Variants in SGCD observed in about 807,000 individuals in gnomAD.
SGCD encodes sarcoglycan delta, also known as delta-sarcoglycan.
SGCD carries 18 observed loss-of-function variants against 36.6 expected under a neutral mutation model. That is an observed-to-expected ratio of 0.49 (90% CI 0.34 to 0.73). The LOEUF is 0.73. Ranked by LOEUF, SGCD falls within the 30% of genes least tolerant of loss-of-function variation. The probability of loss-of-function intolerance (pLI) is 0.01; values close to 1 mark genes in which losing one functional copy is unlikely to be tolerated. For missense variants in SGCD, 387 were observed against 346.7 expected (o/e 1.12, Z -0.92); for synonymous variants, 133 against 130.6 (o/e 1.02, Z -0.12).
intron 1 of SGCD, among the ~76,000 whole-genome samples, chr5:156,068,425 A>G (rs1269180692): frequency 6.6e-6 from 1 of 152,052 alleles, no homozygotes; most frequent in Non-Finnish European, 1.5e-5. Flanking sequence ...TTCCAATTTC[A>G]TCCATGTCCC....
chr5:156,361,099 T>A (rs1347000369), intron 3 of SGCD, among the ~76,000 whole-genome samples: 1 of 152,210 alleles, frequency 6.6e-6, no homozygotes, highest in African/African-American at 2.4e-5. Context: ...TGGGTGCTGC[T>A]GCAGGCCCCA....
chr5:156,047,006 AACAGCATCAT>A (rs1292863433), intron 1 of SGCD, among the ~76,000 whole-genome samples: 1 of 152,168 alleles, frequency 6.6e-6, no homozygotes, highest in African/African-American at 2.4e-5. Context: ...AAGAAAGTGA[AACAGCATCAT>A]TGCTGGTATG....
chr5:155,846,718 A>G, the SGCD span, among the ~76,000 whole-genome samples: 1 of 152,182 alleles, frequency 6.6e-6, no homozygotes, highest in Non-Finnish European at 1.5e-5. Context: ...TTTGCTCACA[A>G]TTCTCTGTAT....
At chr5:156,004,778 C>A (rs75328295) in intron 1 of SGCD, among the ~76,000 whole-genome samples, 3,507 of 152,254 alleles carry the variant, frequency 0.023, 78 homozygotes, top group South Asian at 0.076. Flanking sequence ...AATGAGCCTA[C>A]CCTTTAAATA....
chr5:156,618,481 A>G (rs1174670612), intron 6 of SGCD, among the ~76,000 whole-genome samples: 1 of 152,082 alleles, frequency 6.6e-6, no homozygotes, highest in Non-Finnish European at 1.5e-5. Flanking sequence ...CTGAACAACC[A>G]CGACCTAATA....
At chr5:156,445,903 C>T (rs1753738063) in intron 3 of SGCD, among the ~76,000 whole-genome samples, 1 of 152,090 alleles carries the variant, frequency 6.6e-6, no homozygotes, top group African/African-American at 2.4e-5. Context: ...TCATTCATTC[C>T]TTCACCAAAT....
chr5:156,544,299 T>C (rs1207835193), intron 4 of SGCD, among the ~76,000 whole-genome samples: 1 of 152,196 alleles, frequency 6.6e-6, no homozygotes, highest in Non-Finnish European at 1.5e-5. Flanking sequence ...TATGGGAACT[T>C]TGGTGGATCA....
intron 4 of SGCD, among the ~76,000 whole-genome samples, chr5:156,512,018 A>C (rs1376250103): frequency 1.3e-5 from 2 of 152,008 alleles, no homozygotes; most frequent in Non-Finnish European, 2.9e-5. Context: ...AGATGGTGCA[A>C]CCCTGTCTCT....
chr5:155,971,249 C>A (rs1209844098), intron 1 of SGCD, among the ~76,000 whole-genome samples: 3 of 152,102 alleles, frequency 2.0e-5, no homozygotes, highest in Non-Finnish European at 4.4e-5. Flanking sequence ...GTTGGCTTTG[C>A]ATGAATTACA....
chr5:156,233,127 T>C (rs1467347287), intron 3 of SGCD, among the ~76,000 whole-genome samples: 1 of 152,176 alleles, frequency 6.6e-6, no homozygotes, highest in African/African-American at 2.4e-5. Context: ...TCACCTGTCT[T>C]AATAGAGCCA....
chr5:156,600,923 T>A (rs1342512946), intron 6 of SGCD, among the ~76,000 whole-genome samples: 3 of 152,226 alleles, frequency 2.0e-5, no homozygotes, highest in African/African-American at 7.2e-5. Context: ...TTAATGATGT[T>A]GAGCATATTT....
At chr5:155,899,154 A>G (rs936427689) in intron 1 of SGCD, among the ~76,000 whole-genome samples, 2 of 152,200 alleles carry the variant, frequency 1.3e-5, no homozygotes, top group African/African-American at 2.4e-5. Flanking sequence ...ATGCCATGCT[A>G]ATGATTTTAT....
chr5:156,759,263 G>A lies in SGCD; in HGVS notation c.746G>A (p.Gly249Glu). 6.2e-7 allele frequency: 1 copy of A among 1,613,720 alleles called. No homozygotes were observed. Among genetic ancestry groups the A allele is most frequent in the Non-Finnish European group, 8.5e-7 (1 of 1,179,700 alleles). ...AKIRLPRLPH[G>E]SYTPTGTRQK... ...ATCAGGCTACCTAGACTGCCTCATG[G>A]ATCCTACACGCCTACAGGAACGAGG... The change falls in exon 9 of 9, where the codon GGA becomes GAA. Residue 249 changes from glycine (G) to glutamate (E), a missense_variant. Coordinates refer to ENST00000337851, the MANE Select transcript of SGCD (RefSeq NM_000337.6).
intron 6 of SGCD, among the ~76,000 whole-genome samples, chr5:156,642,229 C>T (rs1763053296): frequency 1.3e-5 from 2 of 152,106 alleles, no homozygotes; most frequent in African/African-American, 4.8e-5. Context: ...CTCCTAATAC[C>T]ATCACATTGA....
At chr5:155,937,440 C>G (rs895850495) in intron 1 of SGCD, among the ~76,000 whole-genome samples, 1 of 152,092 alleles carries the variant, frequency 6.6e-6, no homozygotes, top group Non-Finnish European at 1.5e-5. Flanking sequence ...ACTGAAGAAG[C>G]CAGAATGTTA....
chr5:156,410,680 G>A (rs570229071), intron 3 of SGCD, among the ~76,000 whole-genome samples: 21 of 152,238 alleles, frequency 1.4e-4, no homozygotes, highest in African/African-American at 3.9e-4. Flanking sequence ...TTAACCCAGC[G>A]AATGAACCTG....
intron 1 of SGCD, among the ~76,000 whole-genome samples, chr5:156,046,336 T>G (rs1462989591): frequency 6.6e-6 from 1 of 152,174 alleles, no homozygotes; most frequent in African/African-American, 2.4e-5. Context: ...CTTTTTTTCA[T>G]CTACACTTCT....
intron 1 of SGCD, among the ~76,000 whole-genome samples, chr5:155,909,701 G>C (rs193160221): frequency 6.6e-6 from 1 of 152,242 alleles, no homozygotes; most frequent in Admixed American, 6.5e-5. Context: ...CCCTTAAATT[G>C]AGTGAGAGGC....
intron 7 of SGCD, among the ~76,000 whole-genome samples, chr5:156,649,611 TC>T (rs1439141501): frequency 4.1e-5 from 6 of 144,662 alleles, no homozygotes; most frequent in African/African-American, 1.5e-4. Flanking sequence ...TATCACAAGG[TC>T]AAAAAACCAA....
Sources: allele counts gnomAD v4.1 joint callset (sites outside exome capture counted in the v4.1 genomes callset), GRCh38; gene constraint gnomAD v4.1.1; transcripts MANE v1.5; gene names NCBI Gene and HGNC (gene_info 2026-07-23, HGNC 2026-07-21).